Variants in MAP2K4 observed in about 807,000 individuals in gnomAD.
The protein encoded by MAP2K4 is dual specificity mitogen-activated protein kinase kinase 4.
In MAP2K4, 4 loss-of-function variants were observed where a neutral mutation model predicts 48.5. The ratio of observed to expected loss-of-function variants is 0.08; its 90% confidence interval spans 0.04 to 0.19. MAP2K4 has a LOEUF of 0.19. Among genes scored for constraint, MAP2K4 ranks in the 10% least tolerant of loss-of-function variants. MAP2K4 has a pLI of 1.00. For missense variants in MAP2K4, 258 were observed against 493.3 expected (o/e 0.52, Z 4.52); for synonymous variants, 166 against 173.1 (o/e 0.96, Z 0.32).
chr17:12,098,507 A>G (rs1223733422), intron 4 of MAP2K4, among the ~76,000 whole-genome samples: 9 of 150,548 alleles, frequency 6.0e-5, no homozygotes, highest in South Asian at 2.1e-4. Flanking sequence ...GTGTGTATGT[A>G]TATATATATA....
At chr17:12,129,958 A>G (rs1335582383) in intron 9 of MAP2K4, among the ~76,000 whole-genome samples, 2 of 152,222 alleles carry the variant, frequency 1.3e-5, no homozygotes, top group African/African-American at 2.4e-5. Context: ...TCTTTTAAAT[A>G]AAATCTTTTT....
intron 1 of MAP2K4, among the ~76,000 whole-genome samples, chr17:12,024,106 TC>T (rs1969181255): frequency 6.6e-6 from 1 of 152,190 alleles, no homozygotes; most frequent in South Asian, 2.1e-4. Context: ...TATTGAGCAG[TC>T]CTTTCAGAGT....
intron 1 of MAP2K4, among the ~76,000 whole-genome samples, chr17:12,034,639 C>T (rs1969537417): frequency 1.3e-5 from 2 of 152,210 alleles, no homozygotes; most frequent in African/African-American, 4.8e-5. Flanking sequence ...CTGCCGTTAG[C>T]AAGCTCATAG....
At chr17:12,025,337 A>G (rs1295422046) in intron 1 of MAP2K4, among the ~76,000 whole-genome samples, 1 of 152,184 alleles carries the variant, frequency 6.6e-6, no homozygotes, top group Non-Finnish European at 1.5e-5. Flanking sequence ...ATGCATGTGA[A>G]AGTGCTTTGA....
At chr17:12,053,425 A>T in intron 1 of MAP2K4, among the ~76,000 whole-genome samples, 1 of 148,570 alleles carries the variant, frequency 6.7e-6, no homozygotes, top group Non-Finnish European at 1.5e-5. Context: ...CTTTTTTTCT[A>T]TTTTTCTTGA....
chr17:12,115,084 G>T (rs1417871146), intron 7 of MAP2K4, among the ~76,000 whole-genome samples: 1 of 152,118 alleles, frequency 6.6e-6, no homozygotes, highest in Non-Finnish European at 1.5e-5. Context: ...CCTATTGGAG[G>T]TATATCATTT....
chr17:12,097,473 G>C (rs1971794376), intron 4 of MAP2K4, among the ~76,000 whole-genome samples: 1 of 152,244 alleles, frequency 6.6e-6, no homozygotes, highest in Admixed American at 6.5e-5. Context: ...TCATATTCAT[G>C]ATTGACAAAG....
chr17:12,117,509 A>C lies in MAP2K4; in HGVS notation c.813+4149A>C, dbSNP rs567234501. 1.4e-3 allele frequency among the ~76,000 whole-genome samples: 215 copies of C among 152,292 alleles called. 1 individual carries two copies. Among genetic ancestry groups the C allele is most frequent in the African/African-American group, 5.1e-3 (212 of 41,544 alleles). ...TAAGCATGCCTACAAAGGGTAATAA[A>C]ATGGCATGTATGCAGGCAAGATGTG... On this transcript the variant is annotated intron_variant, in intron 7 of 10. Transcript: ENST00000353533.
intron 1 of MAP2K4, among the ~76,000 whole-genome samples, chr17:12,029,549 T>A (rs1006109003): frequency 6.6e-6 from 1 of 152,042 alleles, no homozygotes; most frequent in Admixed American, 6.6e-5. Context: ...CAGTTAACTA[T>A]CAACAGGTTC....
intron 1 of MAP2K4, among the ~76,000 whole-genome samples, chr17:12,042,813 C>T (rs893090166): frequency 3.3e-5 from 5 of 152,048 alleles, no homozygotes; most frequent in African/African-American, 4.8e-5. Flanking sequence ...TTTGGGAGGC[C>T]GAGGTGGGCG....
intron 8 of MAP2K4, among the ~76,000 whole-genome samples, chr17:12,128,761 G>A (rs973210226): frequency 8.5e-5 from 13 of 152,198 alleles, no homozygotes; most frequent in African/African-American, 3.1e-4. Flanking sequence ...CTTCCTCTAA[G>A]ATGGCTACAA....
chr17:12,053,878 GT>G (rs568599228), intron 1 of MAP2K4, among the ~76,000 whole-genome samples: 110 of 152,174 alleles, frequency 7.2e-4, no homozygotes, highest in African/African-American at 2.6e-3. Flanking sequence ...GTCAGAAAGT[GT>G]TTGGATTGCA....
chr17:12,110,552 A>G, intron 6 of MAP2K4, 126 bp downstream of exon 6: 5 of 684,294 alleles, frequency 7.3e-6, no homozygotes, highest in South Asian at 3.9e-5. Context: ...TTAGCAAAAA[A>G]TGCTTTATGT....
At chr17:12,120,677 A>G (rs1004546814) in intron 7 of MAP2K4, among the ~76,000 whole-genome samples, 1 of 152,044 alleles carries the variant, frequency 6.6e-6, no homozygotes, top group Non-Finnish European at 1.5e-5. Context: ...GACAAAAACC[A>G]TTGTTAATGA....
intron 1 of MAP2K4, among the ~76,000 whole-genome samples, chr17:12,021,859 T>G (rs1352762517): frequency 6.6e-6 from 1 of 152,202 alleles, no homozygotes; most frequent in East Asian, 1.9e-4. Context: ...ATTAATGACT[T>G]TCCCCACTGG....
At chr17:12,139,064 T>C (rs950227902) in intron 9 of MAP2K4, among the ~76,000 whole-genome samples, 3 of 152,132 alleles carry the variant, frequency 2.0e-5, no homozygotes, top group African/African-American at 7.2e-5. Context: ...ACAGAAGGTG[T>C]GGGATATGGA....
At chr17:12,101,010 T>C (rs1476363555) in intron 4 of MAP2K4, among the ~76,000 whole-genome samples, 1 of 152,154 alleles carries the variant, frequency 6.6e-6, no homozygotes, top group Non-Finnish European at 1.5e-5. Flanking sequence ...TCTGCGCTTA[T>C]CTTTATATAT....
At chr17:12,126,942 T>A (rs1055510369) in intron 8 of MAP2K4, among the ~76,000 whole-genome samples, 4 of 152,298 alleles carry the variant, frequency 2.6e-5, no homozygotes, top group Non-Finnish European at 5.9e-5. Flanking sequence ...TTTTCTCCCA[T>A]TTTCAGTTTT....
At chr17:12,095,895 T>TGTGTGTGTGTGTG (rs1971724915) in intron 4 of MAP2K4, among the ~76,000 whole-genome samples, 1 of 147,294 alleles carries the variant, frequency 6.8e-6, no homozygotes, top group African/African-American at 2.5e-5. Flanking sequence ...ACACGTGTGT[T>TGTGTGTGTGTGTG]TGTGTGTGTG....
Sources: gnomAD v4.1 joint callset for allele counts (sites outside exome capture counted in the v4.1 genomes callset) on GRCh38, gnomAD v4.1.1 for gene constraint, MANE v1.5 for transcripts, NCBI Gene and HGNC (gene_info 2026-07-23, HGNC 2026-07-21) for gene names.